The following FAM219A variants were observed in gnomAD, a reference collection of about 807,000 sequenced individuals.
The protein encoded by FAM219A is family with sequence similarity 219 member A, also known as protein FAM219A.
Under a neutral mutation model 23.4 loss-of-function variants are expected in FAM219A, and 7 were observed. The observed-to-expected ratio is 0.30, with a 90% confidence interval of 0.17 to 0.56. FAM219A has a LOEUF of 0.56. FAM219A is among the 20% of genes least tolerant of loss of function. The pLI, the probability that FAM219A is intolerant of heterozygous loss-of-function variation, is 0.92. For missense variants in FAM219A, 166 were observed against 246.9 expected (o/e 0.67, Z 2.20); for synonymous variants, 93 against 99.0 (o/e 0.94, Z 0.36).
intron 1 of FAM219A, among the ~76,000 whole-genome samples, chr9:34,409,666 C>G (rs960580970): frequency 5.9e-5 from 9 of 152,160 alleles, no homozygotes; most frequent in African/African-American, 2.2e-4. Flanking sequence ...GCCAATATAG[C>G]TAGAGGAAGG....
intron 1 of FAM219A, among the ~76,000 whole-genome samples, chr9:34,449,426 C>T (rs1823486291): frequency 6.6e-6 from 1 of 152,150 alleles, no homozygotes; most frequent in Non-Finnish European, 1.5e-5. Context: ...AAATAAAACT[C>T]CCTTAGAAAT....
intron 3 of FAM219A, 103 bp downstream of exon 3, chr9:34,402,602 G>T (rs1821488264): frequency 1.9e-6 from 3 of 1,552,518 alleles, no homozygotes; most frequent in African/African-American, 1.4e-5. Context: ...TCTCCTCTCA[G>T]AGAGGAGCTG....
intron 1 of FAM219A, among the ~76,000 whole-genome samples, chr9:34,446,357 T>C (rs756554330): frequency 1.2e-4 from 19 of 152,172 alleles, no homozygotes; most frequent in Admixed American, 9.8e-4. Context: ...CCTTGATATA[T>C]ACAAAACATT....
chr9:34,441,926 G>A (rs955425896), intron 1 of FAM219A, among the ~76,000 whole-genome samples: 21 of 152,150 alleles, frequency 1.4e-4, no homozygotes, highest in African/African-American at 4.6e-4. Context: ...GTCTCACTAT[G>A]TTGCCCAGAC....
At position 34,401,082 on chromosome 9, in the gene FAM219A, C is replaced by G. The variant is rs1288801135; in HGVS notation, c.440G>C (p.Gly147Ala). The change falls in exon 6 of 6, where the codon GGC becomes GCC. Residue 147 changes from glycine (G) to alanine (A), a missense_variant. By Grantham distance (60) the Gly-to-Ala change is moderately conservative. This residue lies in a region of FAM219A where 72 missense variants were observed against 131.0 expected (regional missense o/e 0.55). Transcript: ENST00000651358. The part of the protein sequence containing the change: ...QDLNIQLLKD[G>A]YRLDEIPDDE... ...GTCGGGGATCTCATCTAACCGGTAGCCGTCCTTCAGCAGCTGGATGTTCAA... is the reference window on the plus strand; with the variant it reads ...GTCGGGGATCTCATCTAACCGGTAGGCGTCCTTCAGCAGCTGGATGTTCAA... 1.2e-6 allele frequency: 2 copies of G among 1,613,270 alleles called. No individual in the cohort carries two copies. The highest frequency in any genetic ancestry group is 8.5e-7 in the Non-Finnish European group (1 of 1,179,558).
chr9:34,418,843 G>A (rs545153085), intron 1 of FAM219A, among the ~76,000 whole-genome samples: 1 of 152,294 alleles, frequency 6.6e-6, no homozygotes, highest in East Asian at 1.9e-4. Flanking sequence ...GCCGAGGTGG[G>A]TGGATCACTT....
intron 1 of FAM219A, among the ~76,000 whole-genome samples, chr9:34,434,114 A>G (rs952645800): frequency 6.7e-6 from 1 of 148,668 alleles, no homozygotes; most frequent in Non-Finnish European, 1.5e-5. Flanking sequence ...AGGCAGGAGA[A>G]TGGCGTGAAC....
chr9:34,401,343 A>C (rs1390806913), intron 5 of FAM219A, among the ~76,000 whole-genome samples: 3 of 152,078 alleles, frequency 2.0e-5, no homozygotes, highest in Non-Finnish European at 4.4e-5. Context: ...TTCTATGGTC[A>C]ACTTCACACC....
At chr9:34,420,087 C>T (rs943744919) in intron 1 of FAM219A, among the ~76,000 whole-genome samples, 1 of 152,180 alleles carries the variant, frequency 6.6e-6, no homozygotes, top group African/African-American at 2.4e-5. Flanking sequence ...AATAATTAAA[C>T]ATTGGTGAAC....
chr9:34,401,807 C>G, intron 4 of FAM219A, 87 bp from the exon 5 acceptor site: 1 of 1,372,656 alleles, frequency 7.3e-7, no homozygotes, highest in Non-Finnish European at 1.0e-6. Flanking sequence ...AGGCAGCATC[C>G]TATACCTCCC....
At position 34,458,199 on chromosome 9, in the gene FAM219A, C is replaced by A. The variant is rs766503318; in HGVS notation, c.60+5G>T. 6.3e-7 allele frequency: 1 copy of A among 1,588,028 alleles called. No individual in the cohort carries two copies. The highest frequency in any genetic ancestry group is 8.5e-7 in the Non-Finnish European group (1 of 1,171,972). ...CCTTGGCCTGCCCGCCGCCCGCCCC[C>A]TCACCAGCGGCTGCATCTCCGAGTG... On this transcript the variant is annotated splice_donor_5th_base_variant and intron_variant, in intron 1 of 5. Transcript: ENST00000651358. The surrounding 1 kb of genome is among the most constrained non-coding windows in gnomAD (Gnocchi z 6.6).
At chr9:34,439,499 A>G (rs1823081944) in intron 1 of FAM219A, among the ~76,000 whole-genome samples, 1 of 152,194 alleles carries the variant, frequency 6.6e-6, no homozygotes, top group African/African-American at 2.4e-5. Context: ...CTAATTTTAC[A>G]TACTTACGTA....
chr9:34,456,159 C>T lies in FAM219A; in HGVS notation c.60+2045G>A, dbSNP rs974530239. On this transcript the variant is annotated intron_variant, in intron 1 of 5. Transcript: ENST00000651358. ...ATTGGGCCAAGATCGTGCCACTGCACTCTAGCCTGGGTGACAGAGAGGGAC... is the reference window on the plus strand; with the variant it reads ...ATTGGGCCAAGATCGTGCCACTGCATTCTAGCCTGGGTGACAGAGAGGGAC... Among the ~76,000 whole-genome samples the T allele has an allele frequency of 9.2e-5, 14 of 152,128 alleles. 1 individual carries two copies. The highest frequency in any genetic ancestry group is 9.2e-4 in the Admixed American group (14 of 15,272).
At chr9:34,424,216 C>T (rs749431216) in intron 1 of FAM219A, among the ~76,000 whole-genome samples, 9 of 151,846 alleles carry the variant, frequency 5.9e-5, no homozygotes, top group East Asian at 1.9e-4. Flanking sequence ...TAGTTGAGGC[C>T]GGGAGAAAGA....
At chr9:34,433,152 C>T (rs1822777217) in intron 1 of FAM219A, among the ~76,000 whole-genome samples, 1 of 152,156 alleles carries the variant, frequency 6.6e-6, no homozygotes, top group African/African-American at 2.4e-5. Flanking sequence ...GTATTTATAT[C>T]AGTATGGATT....
intron 2 of FAM219A, among the ~76,000 whole-genome samples, chr9:34,405,207 C>T (rs1202640150): frequency 6.6e-6 from 1 of 152,196 alleles, no homozygotes; most frequent in Non-Finnish European, 1.5e-5. Context: ...GGGAGAGGGA[C>T]AGCCCATGAG....
intron 1 of FAM219A, among the ~76,000 whole-genome samples, chr9:34,430,921 G>A (rs1273171837): frequency 2.0e-5 from 3 of 152,124 alleles, no homozygotes; most frequent in African/African-American, 7.2e-5. Context: ...TTTCAGACCC[G>A]GCACAAACAG....
Position 34,401,757 on chromosome 9 carries a change from G to A in FAM219A, c.345-37C>T, listed in dbSNP as rs1409090734. 2.5e-6 allele frequency: 4 copies of A among 1,593,504 alleles called. No homozygotes were observed. The South Asian group carries it at 3.4e-5, about 14-fold the overall frequency. Reference sequence around the variant, plus strand: ...GGAAAGAGAGGGAAAGTGATACCAAGAAATTACATAGAAAACTCTCTGCAA... The same window carrying A: ...GGAAAGAGAGGGAAAGTGATACCAAAAAATTACATAGAAAACTCTCTGCAA... On this transcript the variant is annotated intron_variant, in intron 4 of 5. Transcript: ENST00000651358.
chr9:34,434,391 C>T (rs990654499), intron 1 of FAM219A, among the ~76,000 whole-genome samples: 1 of 151,984 alleles, frequency 6.6e-6, no homozygotes, highest in Non-Finnish European at 1.5e-5. Flanking sequence ...TTTTATATTG[C>T]AACTTAAAAT....
Sources: allele counts gnomAD v4.1 joint callset (sites outside exome capture counted in the v4.1 genomes callset), GRCh38; gene constraint gnomAD v4.1.1; regional missense constraint gnomAD v4.1.1; non-coding constraint Gnocchi (gnomAD v3.1); transcripts MANE v1.5; gene names NCBI Gene and HGNC (gene_info 2026-07-23, HGNC 2026-07-21).